Variants in DCAF1 observed in about 807,000 individuals in gnomAD.
DCAF1 encodes the protein DDB1 and CUL4 associated factor 1.
A neutral mutation model predicts 128.0 loss-of-function variants in DCAF1; 15 were observed. The ratio of observed to expected loss-of-function variants is 0.12; its 90% CI spans 0.08 to 0.18. The LOEUF is 0.18. DCAF1 is among the 10% of genes least tolerant of loss of function. The pLI, the probability that DCAF1 is intolerant of heterozygous loss-of-function variation, is 1.00. For missense variants in DCAF1, 988 were observed against 1,649.5 expected (o/e 0.60, Z 6.95); for synonymous variants, 610 against 603.0 (o/e 1.01, Z -0.17).
intron 6 of DCAF1, among the ~76,000 whole-genome samples, chr3:51,447,317 T>C (rs554738906): frequency 2.6e-5 from 4 of 151,264 alleles, no homozygotes; most frequent in African/African-American, 9.7e-5. Flanking sequence ...GGCTGAGGCA[T>C]GAGAATCGCT....
chr3:51,457,755 T>A (rs1300323215), intron 6 of DCAF1, among the ~76,000 whole-genome samples: 2 of 152,190 alleles, frequency 1.3e-5, no homozygotes, highest in African/African-American at 2.4e-5. Context: ...TGGGAACCAA[T>A]ATTCAACACT....
In DCAF1 at chr3:51,422,190, C is replaced by T; in HGVS notation, c.1972+117G>A. 1.4e-5 allele frequency: 9 copies of T among 647,980 alleles called. No homozygotes were observed. The South Asian group carries it at 1.6e-4, about 11-fold the overall frequency. The allele number at this position is 647,980 out of a possible 1,614,324, so 40.1% of individuals were successfully genotyped here. On this transcript the variant is annotated intron_variant, in intron 14 of 24. Coordinates refer to ENST00000684031, the MANE Select transcript of DCAF1 (RefSeq NM_001387579.1). ...TATAAAGGACAGACAAGGAGCCCCCCTCTACTACTTCTGTTCTAAAATCCA... is the reference window on the plus strand; with the variant it reads ...TATAAAGGACAGACAAGGAGCCCCCTTCTACTACTTCTGTTCTAAAATCCA...
chr3:51,476,572 C>CAAA (rs11359977), intron 3 of DCAF1, among the ~76,000 whole-genome samples: 76 of 49,638 alleles, frequency 1.5e-3, no homozygotes, highest in African/African-American at 5.2e-3. Context: ...AATTATATCT[C>CAAA]AAAAAAAAAA....
In DCAF1 at chr3:51,471,529, T is replaced by C. The variant is rs976022840; in HGVS notation, c.111-524A>G. Among the ~76,000 whole-genome samples the C allele has an allele frequency of 9.9e-5, 15 of 152,000 alleles. 1 individual carries two copies. Among genetic ancestry groups the C allele is most frequent in the South Asian group, 6.3e-4 (3 of 4,800 alleles). The stretch of plus-strand genomic sequence containing the variant: ...ACTTTCCCTTCTTCAAAAAATAACA[T>C]TACCTTCACCTCAGAAACCAAAAAT... On this transcript the variant is annotated intron_variant, in intron 3 of 24. Transcript: ENST00000684031.
In DCAF1 at chr3:51,398,654, C is replaced by A. The variant is rs1349970243; in HGVS notation, c.*115G>T. ...AAGCCATAATCTTCTGAATGCAGGG[C>A]ATGCAGCTCCTTAAAAGACAGACAG... On this transcript the variant is annotated 3_prime_UTR_variant, in exon 25 of 25. Coordinates refer to ENST00000684031, the MANE Select transcript of DCAF1 (RefSeq NM_001387579.1). 5.1e-6 allele frequency: 7 copies of A among 1,361,120 alleles called. No individual in the cohort carries two copies. In the Admixed American group the frequency reaches 1.2e-4, roughly 24 times the overall value. 84.3% of individuals were successfully genotyped at this position (1,361,120 alleles called of 1,614,324 possible).
At chr3:51,451,095 T>TTTTA (rs1702307909) in intron 6 of DCAF1, among the ~76,000 whole-genome samples, 1 of 117,902 alleles carries the variant, frequency 8.5e-6, no homozygotes, top group African/African-American at 3.4e-5. Flanking sequence ...TTTTTTTTTT[T>TTTTA]TTTTTTTTTT....
At chr3:51,483,628 T>TGTGC in intron 3 of DCAF1, 91 bp downstream of exon 3, 2 of 826,262 alleles carry the variant, frequency 2.4e-6, no homozygotes, top group South Asian at 1.4e-5. Flanking sequence ...TGTGTGTGTG[T>TGTGC]GTGTGTGTGT....
At chr3:51,492,051 G>A (rs74608602) in intron 2 of DCAF1, among the ~76,000 whole-genome samples, 4 of 151,756 alleles carry the variant, frequency 2.6e-5, no homozygotes, top group Non-Finnish European at 5.9e-5. Flanking sequence ...AGCTACTCGG[G>A]GGGGCTGAGG....
chr3:51,492,150 C>A (rs1465112499), intron 2 of DCAF1, among the ~76,000 whole-genome samples: 1 of 150,512 alleles, frequency 6.6e-6, no homozygotes, highest in Non-Finnish European at 1.5e-5. Flanking sequence ...AGAGCAAGAC[C>A]CGTCTCAAAA....
chr3:51,460,983 T>C (rs1200072532), intron 6 of DCAF1, among the ~76,000 whole-genome samples: 2 of 152,068 alleles, frequency 1.3e-5, no homozygotes, highest in African/African-American at 2.4e-5. Flanking sequence ...GGCAATACCA[T>C]TCAGGACACA....
intron 2 of DCAF1, among the ~76,000 whole-genome samples, chr3:51,490,975 T>C (rs958668243): frequency 4.1e-5 from 6 of 146,860 alleles, no homozygotes; most frequent in African/African-American, 1.5e-4. Context: ...TTTGCAGAAA[T>C]GGACATGCTG....
intron 4 of DCAF1, 138 bp from the exon 5 acceptor site, chr3:51,467,014 T>C (rs760166605): frequency 1.5e-5 from 10 of 681,612 alleles, no homozygotes; most frequent in Non-Finnish European, 2.6e-5. Context: ...AACAAAAGAT[T>C]ATTGTGCTAA....
At chr3:51,427,859 C>T (rs1196796946) in intron 12 of DCAF1, among the ~76,000 whole-genome samples, 4 of 152,016 alleles carry the variant, frequency 2.6e-5, no homozygotes, top group African/African-American at 9.7e-5. Flanking sequence ...AGTGCAGTGG[C>T]ATGATCATAG....
rs141365311 is a variant in DCAF1 at position 51,419,934 on chromosome 3, A to G, written c.3036T>C (p.Leu1012=). ...PTLDSIITEY[L]REQHARCKNP... ...TCTTGCAGCGAGCATGTTGTTCTCT[A>G]AGATACTCTGTGATTATACTGTCCA... Residue 1012 remains leucine (L), a synonymous_variant, in exon 15 of 25, where the codon CTT becomes CTC. Transcript: ENST00000684031. 1.2e-6 allele frequency: 2 copies of G among 1,614,048 alleles called. No individual in the cohort carries two copies. The highest frequency in any genetic ancestry group is 4.5e-5 in the East Asian group (2 of 44,886).
At chr3:51,502,564 A>T (rs1223339387), upstream of DCAF1, among the ~76,000 whole-genome samples, 1 of 151,966 alleles carries the variant, frequency 6.6e-6, no homozygotes, top group Admixed American at 6.6e-5. Context: ...CTCAAAAAAA[A>T]ATTTTTTTTT....
intron 13 of DCAF1, among the ~76,000 whole-genome samples, chr3:51,423,951 A>C (rs1699671869): frequency 6.6e-6 from 1 of 152,198 alleles, no homozygotes; most frequent in Non-Finnish European, 1.5e-5. Flanking sequence ...GTTAGAGTAT[A>C]GTACACTCAT....
At chr3:51,469,689 A>G (rs944356530) in intron 4 of DCAF1, among the ~76,000 whole-genome samples, 9 of 152,178 alleles carry the variant, frequency 5.9e-5, no homozygotes, top group African/African-American at 1.7e-4. Context: ...CCACTGTAGC[A>G]AATTCCATAC....
At chr3:51,484,162 T>C (rs1706626986) in intron 2 of DCAF1, among the ~76,000 whole-genome samples, 1 of 152,082 alleles carries the variant, frequency 6.6e-6, no homozygotes, top group Non-Finnish European at 1.5e-5. Context: ...AAAAATATGG[T>C]ACCTTTCCCT....
At chr3:51,414,177 A>G in intron 19 of DCAF1, 134 bp from the exon 20 acceptor site, 1 of 1,213,448 alleles carries the variant, frequency 8.2e-7, no homozygotes, top group Non-Finnish European at 1.1e-6. Flanking sequence ...TCAAGGTAAA[A>G]CAAATACATG....
Sources: allele counts gnomAD v4.1 joint callset (sites outside exome capture counted in the v4.1 genomes callset), GRCh38; gene constraint gnomAD v4.1.1; transcripts MANE v1.5; gene names NCBI Gene and HGNC (gene_info 2026-07-23, HGNC 2026-07-21).